MASP1: variants seen among roughly 807,000 people sequenced by gnomAD.
MASP1 encodes mannan-binding lectin serine protease 1.
A neutral mutation model predicts 77.1 loss-of-function variants in MASP1; 59 were observed. The ratio of observed to expected loss-of-function variants is 0.77; its 90% CI spans 0.62 to 0.95. The LOEUF is 0.95. MASP1 is among the 40% of genes least tolerant of loss of function. The pLI is 0.00. For missense variants in MASP1, 885 were observed against 912.9 expected, an observed-to-expected ratio of 0.97 and a Z score of 0.39; for synonymous variants, 362 against 354.5, an observed-to-expected ratio of 1.02 and a Z score of -0.24.
chr3:187,255,484 C>A (rs1182368073), intron 5 of MASP1, among the ~76,000 whole-genome samples: 1 of 152,212 alleles, frequency 6.6e-6, no homozygotes. Context: ...CAAAGAACCC[C>A]ATTGTGCTCA....
chr3:187,258,099 C>T (rs557385966), intron 4 of MASP1, among the ~76,000 whole-genome samples: 21 of 152,314 alleles, frequency 1.4e-4, no homozygotes, highest in Non-Finnish European at 2.2e-4. Context: ...TATGTTCTAA[C>T]GATGCTACAA....
rs753069992 is a variant in MASP1 at position 187,235,695 on chromosome 3, C to T, written c.2176G>A (p.Val726Met). 1.2e-6 allele frequency: 2 copies of T among 1,614,170 alleles called. No individual in the cohort carries two copies. Reference protein sequence around the residue: ...GLPQSVVEPQVER With the variant: ...GLPQSVVEPQMER ...GGAAGTAAGTCAGCTCACCGTTCCA[C>T]CTGGGGCTCCACAACACTTTGTGGT... is the stretch of plus-strand genomic sequence containing the variant. Residue 726 changes from valine to methionine, a missense_variant, in exon 11 of 11, where the codon GTG (valine) becomes ATG (methionine). Physicochemically the swap from Val to Met is conservative, Grantham distance 21 (BLOSUM62 1). Transcript: ENST00000296280.
chr3:187,235,878 C>A lies in MASP1; in HGVS notation c.1993G>T (p.Gly665Cys). Residue 665 changes from glycine to cysteine, a missense_variant, in exon 11 of 11, where the codon GGT becomes TGT. Transcript: ENST00000296280. ...TCATCAAAGATGACAAAGGCCCCAC[C>A]GCTATCTCCAAGGCACGTGTCTTTG... Reference protein sequence around the residue: ...GGKDTCLGDSGGAFVIFDDLS... With the variant: ...GGKDTCLGDSCGAFVIFDDLS... 6.2e-7 allele frequency: 1 copy of A among 1,614,216 alleles called. No individual in the cohort carries two copies. The highest frequency in any genetic ancestry group is 8.5e-7 in the Non-Finnish European group (1 of 1,180,036).
intron 8 of MASP1, among the ~76,000 whole-genome samples, chr3:187,248,614 C>T (rs988497642): frequency 7.2e-5 from 11 of 152,170 alleles, no homozygotes; most frequent in African/African-American, 2.7e-4. Context: ...AACCCAGTCA[C>T]AGCACTGCAC....
intron 8 of MASP1, chr3:187,246,822 C>T: frequency 1.0e-5 from 10 of 993,894 alleles, no homozygotes; most frequent in Non-Finnish European, 1.2e-5. Context: ...TTCAGATTCT[C>T]AAAAATCCAC....
rs1264538703 is a variant in MASP1, at chr3:187,286,042, T to C, written c.20A>G (p.Tyr7Cys). ...TGACAGGGAGAAGCACAGAGCATAA[T>C]AGAGAAGCAGCCACCTGAAAGACAT... MRWLLL[Y>C]YALCFSLSKA... The change falls in exon 2 of 11, where the codon TAT becomes TGT. Residue 7 changes from tyrosine (Y) to cysteine (C), a missense_variant. Transcript: ENST00000296280. 7 of 1,614,050 alleles carry C rather than the reference T, an allele frequency of 4.3e-6. No homozygotes were observed. Among genetic ancestry groups the C allele is most frequent in the Admixed American group, 1.7e-5 (1 of 60,030 alleles).
In MASP1 at chr3:187,234,239, G is replaced by C. The variant is rs72549174; in HGVS notation, c.*1445C>G. On this transcript the variant is annotated 3_prime_UTR_variant, in exon 11 of 11. Coordinates refer to ENST00000296280, the MANE Select transcript of MASP1 (RefSeq NM_139125.4). ...ATAGACAAAGGAGTGTGTTTGATGA[G>C]CCGGTTGAGAAAGTGGACACTTCCC... 3.8e-5 allele frequency: 49 copies of C among 1,287,104 alleles called. No individual in the cohort carries two copies. The highest frequency in any genetic ancestry group is 5.0e-5 in the Non-Finnish European group (49 of 988,696). The allele number at this position is 1,287,104 out of a possible 1,614,324, so 79.7% of individuals were successfully genotyped here.
At chr3:187,274,819 G>A (rs552368038) in intron 2 of MASP1, among the ~76,000 whole-genome samples, 8 of 152,282 alleles carry the variant, frequency 5.3e-5, no homozygotes, top group Admixed American at 2.0e-4. Context: ...GCCCATTCTC[G>A]GGAGGGCTCT....
In MASP1 at chr3:187,242,946, G is replaced by A. The variant is rs140413570; in HGVS notation, c.1228+538C>T. 2.5e-3 allele frequency: 476 copies of A among 189,602 alleles called. 2 individuals carry two copies. The highest frequency in any genetic ancestry group is 9.6e-3 in the African/African-American group (406 of 42,394). The allele number at this position is 189,602 out of a possible 1,614,324, so 11.7% of individuals were successfully genotyped here. On this transcript the variant is annotated intron_variant, in intron 9 of 10. Coordinates refer to ENST00000296280, the MANE Select transcript of MASP1 (RefSeq NM_139125.4). ...GATCCACTCCTCGCTCCCCAACCCTGCCTGGACCCCTGTCCGTACCAGGGG... is the reference window on the plus strand; with the variant it reads ...GATCCACTCCTCGCTCCCCAACCCTACCTGGACCCCTGTCCGTACCAGGGG...
chr3:187,219,831 A>C (rs1326708591), exon 16 of MASP1: 1 of 561,102 alleles, frequency 1.8e-6, no homozygotes, highest in Non-Finnish European at 3.2e-6. Flanking sequence ...TCACCTGCCC[A>C]GCACTGCAAA....
intron 10 of MASP1, among the ~76,000 whole-genome samples, chr3:187,240,788 C>T (rs1302374857): frequency 1.3e-5 from 2 of 152,112 alleles, no homozygotes; most frequent in Non-Finnish European, 2.9e-5. Context: ...CACACCACCA[C>T]GACTGGCTAA....
At chr3:187,268,760 T>A (rs1716267716) in intron 2 of MASP1, among the ~76,000 whole-genome samples, 1 of 152,110 alleles carries the variant, frequency 6.6e-6, no homozygotes, top group African/African-American at 2.4e-5. Context: ...TGGAAAACAG[T>A]TTATCCACTA....
At chr3:187,224,325 G>C (rs573161633) in intron 13 of MASP1, among the ~76,000 whole-genome samples, 2 of 151,148 alleles carry the variant, frequency 1.3e-5, no homozygotes, top group East Asian at 3.9e-4. Context: ...AGTGGTGTTT[G>C]AGCCTGTGCT....
chr3:187,223,228 G>T, intron 13 of MASP1: 1 of 1,562,140 alleles, frequency 6.4e-7, no homozygotes, highest in Non-Finnish European at 8.8e-7. Flanking sequence ...GAACAGAGAA[G>T]CTATCTGTGG....
intron 15 of MASP1, among the ~76,000 whole-genome samples, chr3:187,220,492 C>CTTTTTTTTTTT: frequency 7.4e-6 from 1 of 134,564 alleles, no homozygotes; most frequent in Non-Finnish European, 1.5e-5. Flanking sequence ...TTTCTTTTTT[C>CTTTTTTTTTTT]TTTCTTTTTT....
intron 2 of MASP1, among the ~76,000 whole-genome samples, chr3:187,275,471 G>A (rs1716886933): frequency 6.6e-6 from 1 of 152,072 alleles, no homozygotes; most frequent in Non-Finnish European, 1.5e-5. Flanking sequence ...CATACCTCAG[G>A]GGTCACTTAA....
chr3:187,241,285 G>A (rs1429176869), intron 10 of MASP1, among the ~76,000 whole-genome samples, 196 bp downstream of exon 10: 1 of 152,174 alleles, frequency 6.6e-6, no homozygotes, highest in Non-Finnish European at 1.5e-5. Context: ...TGATGGAGCA[G>A]GCAGAAAATA....
intron 2 of MASP1, among the ~76,000 whole-genome samples, chr3:187,278,629 C>T (rs940220767): frequency 2.0e-5 from 3 of 152,204 alleles, no homozygotes; most frequent in East Asian, 1.9e-4. Context: ...CACATCTTCA[C>T]GTTCCTGATC....
chr3:187,232,808 A>G (rs1170244703), downstream of MASP1, among the ~76,000 whole-genome samples: 1 of 152,228 alleles, frequency 6.6e-6, no homozygotes, highest in Non-Finnish European at 1.5e-5. Flanking sequence ...GTAATAGAAC[A>G]TGAGACACGA....
Sources: allele counts gnomAD v4.1 joint callset (sites outside exome capture counted in the v4.1 genomes callset), GRCh38; gene constraint gnomAD v4.1.1; transcripts MANE v1.5; gene names NCBI Gene and HGNC (gene_info 2026-07-23, HGNC 2026-07-21).